Variants in CFAP74 observed in about 807,000 individuals in gnomAD.
CFAP74 encodes the protein cilia and flagella associated protein 74.
In CFAP74, 124 loss-of-function variants were observed where a neutral mutation model predicts 188.9. That is an observed-to-expected ratio of 0.66 (90% CI 0.57 to 0.76). The LOEUF is 0.76. Ranked by LOEUF, CFAP74 falls within the 30% of genes least tolerant of loss-of-function variation. The pLI is 0.00. For missense variants in CFAP74, 2,198 were observed against 2,165.2 expected (o/e 1.02, Z -0.30); for synonymous variants, 956 against 916.7 (o/e 1.04, Z -0.77).
rs201162759 is a variant in CFAP74, at chr1:1,966,534, C to T, written c.1246-8G>A. The T allele has an allele frequency of 1.2e-4, 182 of 1,528,092 alleles. No homozygotes were observed. Among genetic ancestry groups the T allele is most frequent in the Non-Finnish European group, 1.3e-4 (149 of 1,133,856 alleles). 94.7% of individuals were successfully genotyped at this position (1,528,092 alleles called of 1,614,324 possible). On this transcript the variant is annotated splice_region_variant and splice_polypyrimidine_tract_variant and intron_variant, in intron 11 of 38. Coordinates refer to ENST00000682832, the MANE Select transcript of CFAP74 (RefSeq NM_001304360.2). Reference sequence around the variant, plus strand: ...TGCAGCAGCCTCGTAGTCCTGCAGTCGGGGAGAGGAACATCGCAAAGACAC... The same window carrying T: ...TGCAGCAGCCTCGTAGTCCTGCAGTTGGGGAGAGGAACATCGCAAAGACAC...
At chr1:1,972,913 A>C in intron 8 of CFAP74, 24 bp downstream of exon 8, 2 of 1,478,170 alleles carry the variant, frequency 1.4e-6, no homozygotes, top group Non-Finnish European at 1.9e-6. Flanking sequence ...GTTTCTCCTT[A>C]AGGACGTCGA....
chr1:1,986,004 C>T (rs1311999675), intron 5 of CFAP74, among the ~76,000 whole-genome samples: 3 of 152,228 alleles, frequency 2.0e-5, no homozygotes. Context: ...GCCATGTGGA[C>T]ACGGGTGGTG....
In CFAP74 at chr1:1,973,118, G is replaced by A; in HGVS notation, c.675-71C>T. 1.8e-6 allele frequency: 2 copies of A among 1,115,406 alleles called. No individual in the cohort carries two copies. Among genetic ancestry groups the A allele is most frequent in the Non-Finnish European group, 2.6e-6 (2 of 759,098 alleles). The allele number at this position is 1,115,406 out of a possible 1,614,324, so 69.1% of individuals were successfully genotyped here. A position where few individuals can be genotyped will look rare whatever the true frequency, so the allele number is the denominator to read the frequency against. ...CCCATCTGCCCCCAAGCCCTGCACG[G>A]CTGGAGCTCGTGTCCCAGAGACGCC... is the stretch of plus-strand genomic sequence containing the variant. On this transcript the variant is annotated intron_variant, in intron 7 of 38. Transcript: ENST00000682832. This position sits in a 1 kb window ranked among gnomAD's most constrained non-coding sequence, Gnocchi z 6.2.
At chr1:1,947,763 C>A (rs1653870594) in intron 18 of CFAP74, among the ~76,000 whole-genome samples, 1 of 152,258 alleles carries the variant, frequency 6.6e-6, no homozygotes, top group Non-Finnish European at 1.5e-5. Context: ...CAGAGCCTGC[C>A]CCGGGCTCAG....
At position 1,952,209 on chromosome 1, in the gene CFAP74, T is replaced by A. The variant is rs150923989; in HGVS notation, c.2176+3482A>T. Among the ~76,000 whole-genome samples, 768 of 152,138 alleles carry A rather than the reference T, an allele frequency of 5.0e-3. 10 individuals are homozygous for A. The highest frequency in any genetic ancestry group is 0.018 in the African/African-American group (735 of 41,508). The stretch of plus-strand genomic sequence containing the variant: ...CTCAGGTGATCCACCCGCCTCGGCC[T>A]CCCAAAGTGCTGGGATTACAGGCGT... On this transcript the variant is annotated intron_variant, in intron 18 of 38. Transcript: ENST00000682832.
chr1:1,924,573 C>T (rs1651702715), intron 33 of CFAP74, 53 bp from the exon 34 acceptor site: 1 of 1,558,884 alleles, frequency 6.4e-7, no homozygotes, highest in Non-Finnish European at 8.7e-7. Flanking sequence ...TGGCTGCCCC[C>T]TTCCTGTCGT....
Position 1,988,627 on chromosome 1 carries a change from CA to C in CFAP74, c.180del (p.Asp61IlefsTer3). 5 of 1,611,104 alleles carry C rather than the reference CA, an allele frequency of 3.1e-6. No individual in the cohort carries two copies. The highest frequency in any genetic ancestry group is 1.7e-5 in the Admixed American group (1 of 60,018). On this transcript the variant is annotated frameshift_variant, in exon 4 of 39. Transcript: ENST00000682832. LOFTEE classifies it high-confidence loss of function. ...TCAGCTGTTTTCTTCTTCAATTTAT[CA>C]GCATCAGTATCTAGTTCTTTCACTG... ...SSSVKELDTD[A>X]DKLKKKTAED...
chr1:1,942,370 G>A lies in CFAP74; in HGVS notation c.2487-214C>T, dbSNP rs1653442732. 6.6e-6 allele frequency among the ~76,000 whole-genome samples: 1 copy of A among 152,170 alleles called. No individual in the cohort carries two copies. The highest frequency in any genetic ancestry group is 2.1e-4 in the South Asian group (1 of 4,828). On this transcript the variant is annotated intron_variant, in intron 21 of 38. Transcript: ENST00000682832. This position sits in a 1 kb window ranked among gnomAD's most constrained non-coding sequence, Gnocchi z 4.3. ...TTTTTCTGAAATGAAATCTGATGAA[G>A]AATTCTTAAAAATAACCACATCGAA...
At chr1:1,948,675 A>C (rs1180180494) in intron 18 of CFAP74, among the ~76,000 whole-genome samples, 3 of 147,412 alleles carry the variant, frequency 2.0e-5, no homozygotes, top group Non-Finnish European at 3.0e-5. Flanking sequence ...TGCAGCCTCA[A>C]CTTCCCAGGC....
chr1:1,946,358 C>T lies in CFAP74; in HGVS notation c.2323G>A (p.Ala775Thr), dbSNP rs1157495722. Residue 775 changes from alanine to threonine, a missense_variant, in exon 20 of 39, where the codon GCC becomes ACC. Physicochemically the swap from Ala to Thr is moderately conservative, Grantham distance 58. Transcript: ENST00000682832. ...TTCTTAAACGTGACTTTGAACCTGGCTTGGACGTCGCCTGGGACGACCGGA... is the reference window on the plus strand; with the variant it reads ...TTCTTAAACGTGACTTTGAACCTGGTTTGGACGTCGCCTGGGACGACCGGA... ...FTPVVPGDVQ[A>T]RFKVTFKNPQ... 5 of 1,536,854 alleles carry T rather than the reference C, an allele frequency of 3.3e-6. No individual in the cohort carries two copies. The highest frequency in any genetic ancestry group is 4.4e-6 in the Non-Finnish European group (5 of 1,146,870).
rs546556947 is a variant in CFAP74 at position 1,985,340 on chromosome 1, G to A, written c.500+46C>T. 20 of 1,539,118 alleles carry A rather than the reference G, an allele frequency of 1.3e-5. No homozygotes were observed. The East Asian group carries it at 1.3e-4, about 10-fold the overall frequency. ...CCCCCAGATGGGAAGGACTCGCACC[G>A]TTCTGGGGCCTGCCTGCTGCCAGTC... is the stretch of plus-strand genomic sequence containing the variant. On this transcript the variant is annotated intron_variant, in intron 6 of 38. Transcript: ENST00000682832.
At chr1:1,987,948 T>A (rs1282662191) in intron 4 of CFAP74, 1 of 357,930 alleles carries the variant, frequency 2.8e-6, no homozygotes, top group Admixed American at 3.7e-5. Flanking sequence ...GGCAAGAAGT[T>A]ATGCAGAAGA....
chr1:1,960,782 C>A (rs1310214827), intron 14 of CFAP74, among the ~76,000 whole-genome samples: 2 of 152,162 alleles, frequency 1.3e-5, no homozygotes, highest in African/African-American at 4.8e-5. Flanking sequence ...GCACAGAGCC[C>A]GGGATGGAGC....
chr1:1,939,239 AGAGG>A (rs1653184705), intron 24 of CFAP74, among the ~76,000 whole-genome samples: 1 of 152,086 alleles, frequency 6.6e-6, no homozygotes, highest in African/African-American at 2.4e-5. Context: ...GGGGGGAGAG[AGAGG>A]GAGGATGGCG....
intron 20 of CFAP74, among the ~76,000 whole-genome samples, chr1:1,944,808 C>T (rs1384641470): frequency 1.3e-5 from 2 of 151,984 alleles, no homozygotes; most frequent in South Asian, 2.1e-4. Flanking sequence ...GGTTTTGCCA[C>T]GTTGGCCAGG....
intron 18 of CFAP74, among the ~76,000 whole-genome samples, chr1:1,948,897 CCTT>C (rs1653973661): frequency 1.5e-5 from 2 of 129,868 alleles, no homozygotes; most frequent in African/African-American, 2.7e-5. Flanking sequence ...TTCCCTCCCT[CCTT>C]CCCTTCCTTC....
chr1:2,000,000 C>T (rs1164022621), intron 1 of CFAP74, among the ~76,000 whole-genome samples: 1 of 152,050 alleles, frequency 6.6e-6, no homozygotes, highest in Non-Finnish European at 1.5e-5. Context: ...CCCGTCTCTA[C>T]TAAAAATACA....
At chr1:1,925,529 A>G (rs951118312) in intron 33 of CFAP74, among the ~76,000 whole-genome samples, 1 of 152,174 alleles carries the variant, frequency 6.6e-6, no homozygotes, top group African/African-American at 2.4e-5. Flanking sequence ...GAGGAGGGAC[A>G]AAGAGCGCCA....
intron 16 of CFAP74, among the ~76,000 whole-genome samples, chr1:1,958,551 T>C (rs1183606601): frequency 6.6e-6 from 1 of 152,260 alleles, no homozygotes; most frequent in Non-Finnish European, 1.5e-5. Flanking sequence ...GGGACAATGA[T>C]GTGTGGGTTC....
Sources: gnomAD v4.1 joint callset for allele counts (sites outside exome capture counted in the v4.1 genomes callset) on GRCh38, gnomAD v4.1.1 for gene constraint, Gnocchi (gnomAD v3.1) non-coding constraint, MANE v1.5 for transcripts, NCBI Gene and HGNC (gene_info 2026-07-23, HGNC 2026-07-21) for gene names.